The following NEDD9 variants were observed in gnomAD, a reference collection of about 807,000 sequenced individuals.
The protein encoded by NEDD9 is neural precursor cell expressed, developmentally down-regulated 9.
NEDD9 carries 26 observed loss-of-function variants against 76.6 expected under a neutral mutation model. That is an observed-to-expected ratio of 0.34 (90% CI 0.25 to 0.47). The LOEUF is 0.47. NEDD9 is among the 20% of genes least tolerant of loss of function. NEDD9 has a pLI of 1.00. For synonymous variants in NEDD9, 392 were observed against 414.2 expected, an observed-to-expected ratio of 0.95 and a Z score of 0.65; for missense variants, 937 against 1,058.5, an observed-to-expected ratio of 0.89 and a Z score of 1.59.
chr6:11,193,102 C>T (rs1758201847), intron 3 of NEDD9, among the ~76,000 whole-genome samples: 1 of 151,834 alleles, frequency 6.6e-6, no homozygotes, highest in Non-Finnish European at 1.5e-5. Context: ...GTTAGGAGTT[C>T]AAAACCAGCC....
intron 2 of NEDD9, among the ~76,000 whole-genome samples, chr6:11,325,599 A>C (rs998941354): frequency 2.6e-5 from 4 of 152,214 alleles, no homozygotes; most frequent in Non-Finnish European, 5.9e-5. Context: ...TTAGAGTGGC[A>C]TTAAATAGCG....
Position 11,192,875 on chromosome 6 carries a change from G to C in NEDD9, c.562-429C>G, listed in dbSNP as rs1215133575. On this transcript the variant is annotated intron_variant, in intron 3 of 6. Coordinates refer to ENST00000379446, the MANE Select transcript of NEDD9 (RefSeq NM_006403.4). ...CTGAACCCGGGAGGCAGAGGTTGCA[G>C]TGAGCTGAGATCGTGCCACTGCACT... Among the ~76,000 whole-genome samples, 3 of 134,476 alleles carry C rather than the reference G, an allele frequency of 2.2e-5. No individual in the cohort carries two copies. The South Asian group carries it at 7.2e-4, about 32-fold the overall frequency. The allele number at this position is 134,476 out of a possible 152,430, so 88.2% of individuals were successfully genotyped here.
chr6:11,314,891 C>G (rs2113450638), intron 2 of NEDD9, among the ~76,000 whole-genome samples: 1 of 152,280 alleles, frequency 6.6e-6, no homozygotes, highest in African/African-American at 2.4e-5. Flanking sequence ...AGTTTTGTAT[C>G]TTATTTAGGT....
At chr6:11,302,493 G>A (rs1480761095) in intron 3 of NEDD9, among the ~76,000 whole-genome samples, 2 of 152,136 alleles carry the variant, frequency 1.3e-5, no homozygotes, top group Non-Finnish European at 2.9e-5. Flanking sequence ...AGAAAAAAGG[G>A]GAATCCTCCC....
At chr6:11,333,228 G>T (rs967661160) in intron 2 of NEDD9, among the ~76,000 whole-genome samples, 2 of 152,104 alleles carry the variant, frequency 1.3e-5, no homozygotes, top group East Asian at 3.9e-4. Flanking sequence ...ATTAAAAGAG[G>T]AACATCTTTC....
intron 1 of NEDD9, among the ~76,000 whole-genome samples, chr6:11,222,643 T>C (rs183385114): frequency 6.6e-6 from 1 of 152,226 alleles, no homozygotes; most frequent in African/African-American, 2.4e-5. Flanking sequence ...GCATGTTCCA[T>C]GATGAGGTAC....
At position 11,213,095 on chromosome 6, in the gene NEDD9, AAAG is replaced by A. The variant is rs1178109638; in HGVS notation, c.459+183_459+185del. Among the ~76,000 whole-genome samples, 1 of 152,210 alleles carries A rather than the reference AAAG, an allele frequency of 6.6e-6. No individual in the cohort carries two copies. Among genetic ancestry groups the A allele is most frequent in the Admixed American group, 6.5e-5 (1 of 15,288 alleles). On this transcript the variant is annotated intron_variant, in intron 2 of 6. Transcript: ENST00000379446. This position sits in a 1 kb window ranked among gnomAD's most constrained non-coding sequence, Gnocchi z 5.4. ...AACTGTACTCAGCACATGGTAGTTC[AAAG>A]AAGTTTTGCTGAATGATGGATGAAT...
At position 11,190,540 on chromosome 6, in the gene NEDD9, T is replaced by C; in HGVS notation, c.1329A>G (p.Arg443=). The change falls in exon 5 of 7, where the codon AGA becomes AGG. Residue 443 remains arginine, a synonymous_variant. Transcript: ENST00000379446. This position sits in a 1 kb window ranked among gnomAD's most constrained non-coding sequence, Gnocchi z 5.8. ...CTGCTGTGCGTATTTCATTGATGTG[T>C]CTTTCCATATATCCGTAACACCGCC... is the stretch of plus-strand genomic sequence containing the variant. ...TDWRCYGYME[R]HINEIRTAVD... 2 of 1,614,202 alleles carry C rather than the reference T, an allele frequency of 1.2e-6. No individual in the cohort carries two copies. The highest frequency in any genetic ancestry group is 1.7e-6 in the Non-Finnish European group (2 of 1,180,048).
intron 2 of NEDD9, among the ~76,000 whole-genome samples, chr6:11,308,576 A>G (rs555583548): frequency 1.3e-5 from 2 of 151,912 alleles, no homozygotes; most frequent in African/African-American, 4.8e-5. Flanking sequence ...TCATCGTGTT[A>G]GCCAGGATGG....
At chr6:11,293,511 G>A (rs1760823249) in intron 3 of NEDD9, among the ~76,000 whole-genome samples, 1 of 152,064 alleles carries the variant, frequency 6.6e-6, no homozygotes, top group Admixed American at 6.6e-5. Context: ...AATAAAAATT[G>A]TATATAGTTA....
intron 3 of NEDD9, among the ~76,000 whole-genome samples, chr6:11,275,549 C>T (rs1011470295): frequency 3.3e-5 from 5 of 150,152 alleles, no homozygotes; most frequent in Admixed American, 1.3e-4. Context: ...CATACATACA[C>T]ACACACACAC....
In NEDD9 at chr6:11,191,089, A is replaced by G; in HGVS notation, c.780T>C (p.Val260=). ...AGRPDLRPEG[V]YDIPPTCTKP... is the part of the protein sequence containing the mutation. The stretch of plus-strand genomic sequence containing the variant: ...TGGTGCAGGTTGGAGGAATGTCATA[A>G]ACCCCCTCCGGTCTGAGGTCCGGCC... The change falls in exon 5 of 7, where the codon GTT becomes GTC. Residue 260 remains valine (V), a synonymous_variant. Transcript: ENST00000379446. 1 of 1,613,930 alleles carries G rather than the reference A, an allele frequency of 6.2e-7. No homozygotes were observed. The highest frequency in any genetic ancestry group is 8.5e-7 in the Non-Finnish European group (1 of 1,179,992).
intron 3 of NEDD9, among the ~76,000 whole-genome samples, chr6:11,302,251 A>T (rs1431403162): frequency 6.6e-6 from 1 of 152,242 alleles, no homozygotes; most frequent in African/African-American, 2.4e-5. Flanking sequence ...TATGCAAATA[A>T]ACTAGAAAAT....
upstream of NEDD9, among the ~76,000 whole-genome samples, chr6:11,234,124 C>T (rs1284450029): frequency 6.6e-6 from 1 of 152,168 alleles, no homozygotes; most frequent in Non-Finnish European, 1.5e-5. Context: ...CCTGTTCCAG[C>T]CTGTATTAGG....
intron 1 of NEDD9, among the ~76,000 whole-genome samples, chr6:11,344,324 G>A (rs144602533): frequency 7.5e-4 from 114 of 152,268 alleles, no homozygotes; most frequent in African/African-American, 2.7e-3. Flanking sequence ...GAAAGTCCCC[G>A]TTGTTGAAGA....
chr6:11,245,277 A>G (rs1445917668), intron 3 of NEDD9, among the ~76,000 whole-genome samples: 1 of 152,200 alleles, frequency 6.6e-6, no homozygotes, highest in East Asian at 1.9e-4. Context: ...AAGCATGGTG[A>G]CCCAAAGGCG....
In NEDD9 at chr6:11,348,986, C is replaced by T. The variant is rs146933018; in HGVS notation, c.-213-14425G>A. ...AGAAACTATCACCATAGGGAACAGA[C>T]GACCTACAGAATGGGAGAAAATATT... On this transcript the variant is annotated intron_variant, in intron 1 of 3. Transcript: ENST00000397378. 5.9e-3 allele frequency among the ~76,000 whole-genome samples: 895 copies of T among 152,276 alleles called. 9 individuals carry two copies. Among genetic ancestry groups the T allele is most frequent in the African/African-American group, 0.021 (859 of 41,546 alleles).
At chr6:11,300,999 C>T (rs1761032319) in intron 3 of NEDD9, among the ~76,000 whole-genome samples, 1 of 152,172 alleles carries the variant, frequency 6.6e-6, no homozygotes, top group African/African-American at 2.4e-5. Context: ...ATGACAGGAT[C>T]AAATTCACAC....
intron 3 of NEDD9, among the ~76,000 whole-genome samples, chr6:11,278,217 A>G (rs918461952): frequency 1.3e-5 from 2 of 152,068 alleles, no homozygotes; most frequent in Admixed American, 6.5e-5. Flanking sequence ...CTCTTTTCCC[A>G]GTTCGCACCT....
Sources: gnomAD v4.1 joint callset for allele counts (sites outside exome capture counted in the v4.1 genomes callset) on GRCh38, gnomAD v4.1.1 for gene constraint, Gnocchi (gnomAD v3.1) non-coding constraint, MANE v1.5 for transcripts, NCBI Gene and HGNC (gene_info 2026-07-23, HGNC 2026-07-21) for gene names.